The following RNASE10 variants were observed in gnomAD, a reference collection of about 807,000 sequenced individuals.
The protein encoded by RNASE10 is ribonuclease A family member 10 (inactive), also known as inactive ribonuclease-like protein 10.
RNASE10 carries 2 observed loss-of-function variants against 1.1 expected under a neutral mutation model. That is an observed-to-expected ratio of 1.82 (90% CI 0.74 to 5.73). The LOEUF is 5.73. Among genes scored for constraint, RNASE10 ranks in the 30% most tolerant of loss-of-function variants. The pLI, the probability that RNASE10 is intolerant of heterozygous loss-of-function variation, is 0.05. For synonymous variants in RNASE10, 97 were observed against 96.2 expected (o/e 1.01, Z -0.05); for missense variants, 276 against 263.4 (o/e 1.05, Z -0.33).
intron 1 of RNASE10, among the ~76,000 whole-genome samples, chr14:20,507,003 C>T (rs1291400545): frequency 7.6e-4 from 114 of 150,470 alleles, no homozygotes; most frequent in Middle Eastern, 3.4e-3. Flanking sequence ...GGGGTCAGCC[C>T]CCCGCCCGGC....
intron 1 of RNASE10, among the ~76,000 whole-genome samples, chr14:20,509,031 C>T (rs763804666): frequency 3.3e-5 from 5 of 152,148 alleles, no homozygotes; most frequent in Non-Finnish European, 7.4e-5. Flanking sequence ...TGAGACTGGC[C>T]TAGCAAGACA....
chr14:20,506,975 T>G (rs1448482077), intron 1 of RNASE10, among the ~76,000 whole-genome samples: 1 of 138,214 alleles, frequency 7.2e-6, no homozygotes, highest in African/African-American at 2.9e-5. Flanking sequence ...AGCCGCCCCG[T>G]CCGGGAGGGA....
At chr14:20,512,194 CG>C (rs1882915227), downstream of RNASE10, among the ~76,000 whole-genome samples, 1 of 152,118 alleles carries the variant, frequency 6.6e-6, no homozygotes, top group Non-Finnish European at 1.5e-5. Flanking sequence ...GCATCGTTTC[CG>C]CTTTATTGCT....
chr14:20,512,226 T>C (rs1882916148), downstream of RNASE10, among the ~76,000 whole-genome samples: 1 of 152,166 alleles, frequency 6.6e-6, no homozygotes, highest in African/African-American at 2.4e-5. Flanking sequence ...AGAAAGTTAG[T>C]GAAAGAATAA....
intron 1 of RNASE10, among the ~76,000 whole-genome samples, chr14:20,506,864 C>G (rs1594439933): frequency 8.3e-6 from 1 of 119,980 alleles, no homozygotes; most frequent in East Asian, 2.5e-4. Flanking sequence ...AGGTGAGGGG[C>G]GCCTCTGCCC....
At chr14:20,509,445 C>T (rs745504887) in intron 1 of RNASE10, among the ~76,000 whole-genome samples, 1 of 152,188 alleles carries the variant, frequency 6.6e-6, no homozygotes, top group Non-Finnish European at 1.5e-5. Context: ...AGAGTATAAA[C>T]CTAATCAGCA....
At chr14:20,505,261 GC>G (rs1882663623), upstream of RNASE10, among the ~76,000 whole-genome samples, 1 of 51,316 alleles carries the variant, frequency 1.9e-5, no homozygotes, top group African/African-American at 1.0e-4. Flanking sequence ...AAGTGAGTTT[GC>G]TCCCTCTCCC....
chr14:20,509,221 G>T (rs995449378), intron 1 of RNASE10, among the ~76,000 whole-genome samples: 5 of 152,190 alleles, frequency 3.3e-5, no homozygotes, highest in African/African-American at 1.2e-4. Context: ...GCTAATTTTT[G>T]TATTTTTAGT....
upstream of RNASE10, among the ~76,000 whole-genome samples, chr14:20,504,502 A>G (rs898246222): frequency 6.6e-6 from 1 of 151,740 alleles, no homozygotes; most frequent in South Asian, 2.1e-4. Flanking sequence ...TCTGGCTAAC[A>G]CGGTGAAACC....
chr14:20,506,318 G>A (rs1185654398), intron 1 of RNASE10, among the ~76,000 whole-genome samples: 12 of 129,286 alleles, frequency 9.3e-5, no homozygotes, highest in Admixed American at 5.1e-4. Context: ...AGGTGGGGGG[G>A]GTCAGCCCCC....
chr14:20,510,525 C>A (rs1420579438), exon 2 of RNASE10: 2 of 1,613,814 alleles, frequency 1.2e-6, no homozygotes, highest in African/African-American at 2.7e-5. Flanking sequence ...TGCTGCTGGG[C>A]CTGGGGATGG....
downstream of RNASE10, among the ~76,000 whole-genome samples, chr14:20,512,107 G>A (rs1882912700): frequency 6.6e-6 from 1 of 152,198 alleles, no homozygotes; most frequent in Non-Finnish European, 1.5e-5. Flanking sequence ...ATTATGTCCA[G>A]AAGCAGAATA....
At position 20,506,365 on chromosome 14, in the gene RNASE10, G is replaced by T. The variant is rs8009070; in HGVS notation, c.79+346G>T. On this transcript the variant is annotated intron_variant, in intron 1 of 1. Coordinates refer to ENST00000430083, the Ensembl canonical transcript of RNASE10. ...CCGCCCAGTCCGGGAGGTGAGGGGC[G>T]CCTCTGCCCGGCCGCCCCTACTGGG... Among the ~76,000 whole-genome samples the T allele has an allele frequency of 7.2e-3, 867 of 120,878 alleles. 2 individuals carry two copies. Among genetic ancestry groups the T allele is most frequent in the African/African-American group, 0.028 (812 of 29,114 alleles). 79.3% of individuals were successfully genotyped at this position (120,878 alleles called of 152,430 possible). A position where few individuals can be genotyped will look rare whatever the true frequency, so the allele number is the denominator to read the frequency against.
chr14:20,510,177 A>G (rs758860376), intron 1 of RNASE10, among the ~76,000 whole-genome samples: 4 of 151,844 alleles, frequency 2.6e-5, no homozygotes, highest in Non-Finnish European at 4.4e-5. Flanking sequence ...CTGATTTCCC[A>G]TATGTAAATT....
chr14:20,506,299 C>T (rs1882713862), intron 1 of RNASE10, among the ~76,000 whole-genome samples: 1 of 106,376 alleles, frequency 9.4e-6, no homozygotes, highest in Non-Finnish European at 1.9e-5. Flanking sequence ...GCCGCCCCGT[C>T]CGGGAGGGAG....
intron 1 of RNASE10, among the ~76,000 whole-genome samples, chr14:20,506,436 G>T (rs1235070866): frequency 7.9e-6 from 1 of 127,192 alleles, no homozygotes; most frequent in East Asian, 2.2e-4. Context: ...TCCGGGAGGG[G>T]GGAGGGGGGG....
chr14:20,511,444 A>T (rs1274789455), downstream of RNASE10, among the ~76,000 whole-genome samples: 1 of 152,104 alleles, frequency 6.6e-6, no homozygotes, highest in East Asian at 1.9e-4. Context: ...TGTGGACTGG[A>T]AGAGTTTAGT....
intron 1 of RNASE10, 39 bp from the exon 2 acceptor site, chr14:20,510,428 C>T (rs766196374): frequency 6.4e-7 from 1 of 1,571,468 alleles, no homozygotes. Context: ...CAATTTTGAT[C>T]TCAAAGTCAC....
chr14:20,506,448 C>T (rs1275111443), intron 1 of RNASE10, among the ~76,000 whole-genome samples: 2 of 120,542 alleles, frequency 1.7e-5, no homozygotes, highest in Admixed American at 1.6e-4. Flanking sequence ...GAGGGGGGGT[C>T]AGCCCCCTGC....
Sources: gnomAD v4.1 joint callset for allele counts (sites outside exome capture counted in the v4.1 genomes callset) on GRCh38, gnomAD v4.1.1 for gene constraint, MANE v1.5 for transcripts, NCBI Gene and HGNC (gene_info 2026-07-23, HGNC 2026-07-21) for gene names.